The following FOXP2 variants were observed in gnomAD, a reference collection of about 807,000 sequenced individuals.
FOXP2 encodes the protein forkhead box P2.
FOXP2 carries 12 observed loss-of-function variants against 115.8 expected under a neutral mutation model. The ratio of observed to expected loss-of-function variants is 0.10; its 90% CI spans 0.07 to 0.17. The LOEUF (loss-of-function observed/expected upper bound fraction) is 0.17, where lower values mean the gene tolerates loss of function less well. Among genes scored for constraint, FOXP2 ranks in the 10% least tolerant of loss-of-function variants. The pLI, the probability that FOXP2 is intolerant of heterozygous loss-of-function variation, is 1.00. For missense variants in FOXP2, 629 were observed against 843.5 expected (o/e 0.75, Z 3.15); for synonymous variants, 328 against 297.7 (o/e 1.10, Z -1.05).
In FOXP2 at chr7:114,692,667, G is replaced by C. The variant is rs1321178482; in HGVS notation, c.*2741G>C. 1 of 443,838 alleles carries C rather than the reference G, an allele frequency of 2.3e-6. No individual in the cohort carries two copies. 27.5% of individuals were successfully genotyped at this position (443,838 alleles called of 1,614,324 possible). A position where few individuals can be genotyped will look rare whatever the true frequency, so the allele number is the denominator to read the frequency against. ...GTATGTATTTATTGCTTGAACTTCT[G>C]TGCATACCTTATAAAGCATAATGTC... On this transcript the variant is annotated 3_prime_UTR_variant, in exon 17 of 17. Transcript: ENST00000350908.
intron 1 of FOXP2, among the ~76,000 whole-genome samples, chr7:114,223,524 G>GTA (rs1231139160): frequency 2.8e-5 from 4 of 143,112 alleles, no homozygotes; most frequent in Non-Finnish European, 6.1e-5. Context: ...TATATAATAT[G>GTA]TATATATATA....
intron 1 of FOXP2, among the ~76,000 whole-genome samples, chr7:114,185,028 C>T (rs764353287): frequency 9.9e-5 from 15 of 152,230 alleles, no homozygotes; most frequent in Middle Eastern, 3.4e-3. Flanking sequence ...CTACTTCTAC[C>T]TTTAAGCCTA....
chr7:114,495,591 T>C (rs949631122), intron 2 of FOXP2, among the ~76,000 whole-genome samples: 9 of 145,586 alleles, frequency 6.2e-5, no homozygotes, highest in Admixed American at 4.3e-4. Context: ...CTGCAACCTC[T>C]GCCTCCCATA....
intron 1 of FOXP2, among the ~76,000 whole-genome samples, chr7:114,208,380 A>C (rs988215243): frequency 6.6e-6 from 1 of 152,018 alleles, no homozygotes; most frequent in African/African-American, 2.4e-5. Flanking sequence ...GTGTACCCCC[A>C]TTGTATCTGG....
Position 114,542,425 on chromosome 7 carries a change from A to G in FOXP2, c.258+7719A>G, listed in dbSNP as rs149172639. On this transcript the variant is annotated intron_variant, in intron 3 of 16. Transcript: ENST00000350908. ...TTGTGCTATTTAAGTTGGAGTTTCAATAGGAAAGCACTTCTCCACTTGAGT... is the reference window on the plus strand; with the variant it reads ...TTGTGCTATTTAAGTTGGAGTTTCAGTAGGAAAGCACTTCTCCACTTGAGT... 5.9e-5 allele frequency among the ~76,000 whole-genome samples: 9 copies of G among 152,280 alleles called. No homozygotes were observed. In the East Asian group the frequency reaches 1.7e-3, roughly 29 times the overall value.
chr7:114,545,054 T>C (rs1799850423), intron 3 of FOXP2, among the ~76,000 whole-genome samples: 1 of 152,208 alleles, frequency 6.6e-6, no homozygotes, highest in East Asian at 1.9e-4. Context: ...GAAATAAAGA[T>C]ATTTAAAACT....
chr7:114,205,347 G>C (rs1037613886), intron 1 of FOXP2, among the ~76,000 whole-genome samples: 10 of 152,038 alleles, frequency 6.6e-5, no homozygotes, highest in Non-Finnish European at 1.2e-4. Flanking sequence ...AAATTTTCTG[G>C]ACTAAAAGAG....
At chr7:114,184,793 C>T (rs534922835) in intron 1 of FOXP2, among the ~76,000 whole-genome samples, 1 of 152,252 alleles carries the variant, frequency 6.6e-6, no homozygotes, top group East Asian at 1.9e-4. Flanking sequence ...CCAAGGGAAA[C>T]TGTTTTTCCG....
At chr7:114,348,175 A>G (rs937914009) in intron 2 of FOXP2, among the ~76,000 whole-genome samples, 2 of 152,110 alleles carry the variant, frequency 1.3e-5, no homozygotes, top group African/African-American at 4.8e-5. Context: ...TATCTTTAGC[A>G]ACATTGGTAA....
At chr7:114,304,561 T>C (rs1178881656) in intron 2 of FOXP2, among the ~76,000 whole-genome samples, 1 of 149,648 alleles carries the variant, frequency 6.7e-6, no homozygotes, top group Non-Finnish European at 1.5e-5. Context: ...TCCCAGCTAC[T>C]CAGGAGGCTG....
upstream of FOXP2, among the ~76,000 whole-genome samples, chr7:114,160,496 TA>T (rs35334284): frequency 6.6e-6 from 1 of 151,758 alleles, no homozygotes; most frequent in Non-Finnish European, 1.5e-5. Flanking sequence ...AATGTTTATT[TA>T]AAAAAAAGGT....
At chr7:114,496,377 T>A (rs1353848157) in intron 2 of FOXP2, among the ~76,000 whole-genome samples, 2 of 152,238 alleles carry the variant, frequency 1.3e-5, no homozygotes, top group Admixed American at 6.5e-5. Flanking sequence ...TCACAAAAAA[T>A]TAAAATCTAA....
chr7:114,646,628 A>G (rs374212227), intron 8 of FOXP2, among the ~76,000 whole-genome samples: 2 of 151,944 alleles, frequency 1.3e-5, no homozygotes, highest in South Asian at 4.1e-4. Flanking sequence ...TTTTTAGTCC[A>G]TTTTTATTTT....
chr7:114,590,037 C>T (rs1247085782), intron 3 of FOXP2, among the ~76,000 whole-genome samples: 3 of 152,006 alleles, frequency 2.0e-5, no homozygotes, highest in African/African-American at 7.2e-5. Flanking sequence ...ATTTAAATTA[C>T]AGTAATGTAA....
intron 1 of FOXP2, among the ~76,000 whole-genome samples, chr7:114,114,226 AAT>A (rs761651720): frequency 5.4e-5 from 8 of 149,402 alleles, no homozygotes; most frequent in Non-Finnish European, 7.4e-5. Context: ...GAAAAAGAAG[AAT>A]ATATATATAT....
chr7:114,504,499 A>C (rs1797722215), intron 2 of FOXP2, among the ~76,000 whole-genome samples: 1 of 151,654 alleles, frequency 6.6e-6, no homozygotes, highest in Admixed American at 6.6e-5. Context: ...CGACATTATA[A>C]ATAGTTCCAG....
intron 2 of FOXP2, among the ~76,000 whole-genome samples, chr7:114,335,510 A>G (rs1562876139): frequency 6.6e-6 from 1 of 151,878 alleles, no homozygotes; most frequent in Admixed American, 6.6e-5. Context: ...TTTATGTTAT[A>G]TTTCAGTTTT....
intron 9 of FOXP2, among the ~76,000 whole-genome samples, chr7:114,652,901 CAG>C (rs1806356193): frequency 6.6e-6 from 1 of 151,958 alleles, no homozygotes; most frequent in African/African-American, 2.4e-5. Context: ...AATGTTGAAA[CAG>C]AATTTGGCCA....
chr7:114,452,687 TAGC>T (rs963954241), intron 2 of FOXP2, among the ~76,000 whole-genome samples: 5 of 152,088 alleles, frequency 3.3e-5, no homozygotes, highest in Non-Finnish European at 5.9e-5. Flanking sequence ...GTATAGTTGA[TAGC>T]AGTGGTGTGC....
Sources: gnomAD v4.1 joint callset for allele counts (sites outside exome capture counted in the v4.1 genomes callset) on GRCh38, gnomAD v4.1.1 for gene constraint, MANE v1.5 for transcripts, NCBI Gene and HGNC (gene_info 2026-07-23, HGNC 2026-07-21) for gene names.